CDH13: variants seen among roughly 807,000 people sequenced by gnomAD.
CDH13 encodes the protein cadherin 13, also known as cadherin-13.
Under a neutral mutation model 63.8 loss-of-function variants are expected in CDH13, and 24 were observed. That is an observed-to-expected ratio of 0.38 (90% CI 0.27 to 0.53). The LOEUF (loss-of-function observed/expected upper bound fraction) is 0.53. Among genes scored for constraint, CDH13 ranks in the 20% least tolerant of loss-of-function variants. The pLI is 0.85. For missense variants in CDH13, 1,049 were observed against 903.1 expected, an observed-to-expected ratio of 1.16 and a Z score of -2.07; for synonymous variants, 503 against 355.3, an observed-to-expected ratio of 1.42 and a Z score of -4.67.
chr16:83,448,188 A>C (rs59843211), intron 6 of CDH13, among the ~76,000 whole-genome samples: 1 of 151,882 alleles, frequency 6.6e-6, no homozygotes, highest in African/African-American at 2.4e-5. Flanking sequence ...TAATCTCATG[A>C]TCTGAGTCTA....
At chr16:83,138,488 G>C (rs1362623982) in intron 4 of CDH13, among the ~76,000 whole-genome samples, 1 of 152,176 alleles carries the variant, frequency 6.6e-6, no homozygotes, top group Non-Finnish European at 1.5e-5. Context: ...CAGGCAGTGG[G>C]AAGAACATGA....
chr16:83,275,451 A>G (rs2088957512), intron 5 of CDH13, among the ~76,000 whole-genome samples: 1 of 152,186 alleles, frequency 6.6e-6, no homozygotes, highest in Non-Finnish European at 1.5e-5. Flanking sequence ...CAGAGTAAAG[A>G]AGACAGCACT....
intron 10 of CDH13, among the ~76,000 whole-genome samples, chr16:83,685,610 A>AATTATG (rs1904300306): frequency 6.6e-6 from 1 of 152,144 alleles, no homozygotes; most frequent in African/African-American, 2.4e-5. Context: ...AAGAGCAAGA[A>AATTATG]CTTTTGCTGC....
At chr16:83,059,444 A>G (rs1162246288) in intron 3 of CDH13, among the ~76,000 whole-genome samples, 2 of 152,124 alleles carry the variant, frequency 1.3e-5, no homozygotes, top group South Asian at 2.1e-4. Flanking sequence ...TGTGTGCTCA[A>G]AAAGAACTGT....
chr16:83,671,702 T>C (rs1221763519), intron 9 of CDH13, among the ~76,000 whole-genome samples: 3 of 152,230 alleles, frequency 2.0e-5, no homozygotes, highest in East Asian at 3.8e-4. Flanking sequence ...AGCTCAATTA[T>C]TCCTTAAAAA....
At chr16:83,778,820 C>T (rs1396381461) in intron 11 of CDH13, among the ~76,000 whole-genome samples, 1 of 152,102 alleles carries the variant, frequency 6.6e-6, no homozygotes, top group Non-Finnish European at 1.5e-5. Context: ...TCTTTTTCAC[C>T]CCCAGAAGAA....
At chr16:83,593,787 GA>G in intron 7 of CDH13, among the ~76,000 whole-genome samples, 1 of 152,166 alleles carries the variant, frequency 6.6e-6, no homozygotes, top group South Asian at 2.1e-4. Context: ...CTCTAAACAA[GA>G]AAAGGCCCCT....
intron 4 of CDH13, among the ~76,000 whole-genome samples, chr16:83,148,670 GTGT>G (rs1240559303): frequency 6.6e-6 from 1 of 152,164 alleles, no homozygotes; most frequent in Non-Finnish European, 1.5e-5. Context: ...TTGCAGTATG[GTGT>G]TATTATTATT....
At chr16:83,541,388 C>A (rs2075293098) in intron 7 of CDH13, among the ~76,000 whole-genome samples, 1 of 152,170 alleles carries the variant, frequency 6.6e-6, no homozygotes, top group Non-Finnish European at 1.5e-5. Context: ...ACATTCCCAC[C>A]AGCTCCTCTC....
chr16:82,709,696 C>T (rs1037033373), intron 1 of CDH13, among the ~76,000 whole-genome samples: 1 of 152,156 alleles, frequency 6.6e-6, no homozygotes, highest in African/African-American at 2.4e-5. Flanking sequence ...GTTGGAGGAG[C>T]TTAGCTTGTT....
intron 5 of CDH13, among the ~76,000 whole-genome samples, chr16:83,265,501 G>A (rs546422501): frequency 3.8e-4 from 58 of 151,926 alleles, no homozygotes; most frequent in African/African-American, 1.0e-3. Flanking sequence ...AAAATACTTC[G>A]TACATTTCTT....
At chr16:83,589,402 C>T (rs1209226845) in intron 7 of CDH13, among the ~76,000 whole-genome samples, 1 of 148,176 alleles carries the variant, frequency 6.7e-6, no homozygotes, top group African/African-American at 2.5e-5. Flanking sequence ...CTGCTTCCAT[C>T]ACCCATCTAC....
intron 13 of CDH13, chr16:83,790,094 T>C (rs1916161083): frequency 6.6e-6 from 1 of 152,224 alleles, no homozygotes; most frequent in Non-Finnish European, 1.5e-5. Context: ...GTTTTCTGTA[T>C]TTTCTTCAGT....
At chr16:82,821,812 A>G (rs567570295) in intron 1 of CDH13, among the ~76,000 whole-genome samples, 1 of 152,196 alleles carries the variant, frequency 6.6e-6, no homozygotes, top group Non-Finnish European at 1.5e-5. Context: ...TAGAAAGGCA[A>G]GGGGCCAGGT....
intron 3 of CDH13, among the ~76,000 whole-genome samples, chr16:83,072,183 T>C (rs529388856): frequency 6.6e-6 from 1 of 152,298 alleles, no homozygotes; most frequent in South Asian, 2.1e-4. Context: ...AATCTCAATT[T>C]GGGTGCTAAA....
intron 5 of CDH13, among the ~76,000 whole-genome samples, chr16:83,270,679 AG>A (rs1484678284): frequency 1.3e-5 from 2 of 152,124 alleles, no homozygotes; most frequent in East Asian, 1.9e-4. Context: ...TCACGCTTAG[AG>A]GAGGCTTCAT....
chr16:83,774,077 C>G (rs569800566), intron 11 of CDH13, among the ~76,000 whole-genome samples: 1 of 152,202 alleles, frequency 6.6e-6, no homozygotes, highest in Non-Finnish European at 1.5e-5. Context: ...TGAAAAAGAT[C>G]TACTCAACTC....
intron 1 of CDH13, among the ~76,000 whole-genome samples, chr16:82,722,707 T>C (rs545875285): frequency 6.6e-6 from 1 of 152,136 alleles, no homozygotes; most frequent in Non-Finnish European, 1.5e-5. Flanking sequence ...GCACCTGCCA[T>C]TGTATGCAAG....
intron 3 of CDH13, among the ~76,000 whole-genome samples, chr16:83,054,217 C>T (rs757542530): frequency 7.9e-5 from 12 of 152,176 alleles, no homozygotes; most frequent in Non-Finnish European, 1.6e-4. Flanking sequence ...AGAACATATC[C>T]TTGTTAAGTA....
Sources: gnomAD v4.1 joint callset for allele counts (sites outside exome capture counted in the v4.1 genomes callset) on GRCh38, gnomAD v4.1.1 for gene constraint, MANE v1.5 for transcripts, NCBI Gene and HGNC (gene_info 2026-07-23, HGNC 2026-07-21) for gene names.